BCAS3: variants seen among roughly 807,000 people sequenced by gnomAD.
BCAS3 encodes the protein BCAS4/BCAS3 fusion.
Under a neutral mutation model 116.1 loss-of-function variants are expected in BCAS3, and 53 were observed. The observed-to-expected ratio is 0.46, with a 90% CI of 0.37 to 0.57. BCAS3 has a LOEUF of 0.57. BCAS3 is among the 20% of genes least tolerant of loss of function. The pLI is 0.00. For synonymous variants in BCAS3, 391 were observed against 408.2 expected, an observed-to-expected ratio of 0.96 and a Z score of 0.51; for missense variants, 917 against 1,165.4, an observed-to-expected ratio of 0.79 and a Z score of 3.10.
chr17:60,697,918 G>A (rs1199451254), intron 4 of BCAS3, among the ~76,000 whole-genome samples: 1 of 152,156 alleles, frequency 6.6e-6, no homozygotes, highest in Non-Finnish European at 1.5e-5. Flanking sequence ...GATGGCTCAC[G>A]CCTGTAATCC....
At chr17:60,734,237 C>T (rs2040747495) in intron 5 of BCAS3, among the ~76,000 whole-genome samples, 1 of 152,206 alleles carries the variant, frequency 6.6e-6, no homozygotes, top group South Asian at 2.1e-4. Context: ...TCAAGTGATC[C>T]TCCTGCTTCA....
At position 60,768,452 on chromosome 17, in the gene BCAS3, C is replaced by A. The variant is rs144006735; in HGVS notation, c.403+21173C>A. On this transcript the variant is annotated intron_variant, in intron 6 of 23. Transcript: ENST00000407086. ...CTAACCTCCCAGCCTACATCATTTTCCCATGCTGGATGCTTCCTGCTGTCG... is the reference window on the plus strand; with the variant it reads ...CTAACCTCCCAGCCTACATCATTTTACCATGCTGGATGCTTCCTGCTGTCG... Among the ~76,000 whole-genome samples the A allele has an allele frequency of 2.7e-3, 408 of 152,264 alleles. 3 individuals carry two copies. Among genetic ancestry groups the A allele is most frequent in the African/African-American group, 9.3e-3 (387 of 41,546 alleles).
Position 61,011,844 on chromosome 17 carries a change from C to T in BCAS3, c.1487-3907C>T, listed in dbSNP as rs943638308. On this transcript the variant is annotated intron_variant, in intron 15 of 23. Transcript: ENST00000407086. ...CTGGAAGAAAGGATTGTTAGGCTGTCTTGTGTAGTTATTGCATTTATTTAT... is the reference window on the plus strand; with the variant it reads ...CTGGAAGAAAGGATTGTTAGGCTGTTTTGTGTAGTTATTGCATTTATTTAT... Among the ~76,000 whole-genome samples the T allele has an allele frequency of 3.3e-5, 5 of 151,966 alleles. No individual in the cohort carries two copies. The South Asian group carries it at 1.0e-3, about 31-fold the overall frequency.
chr17:60,757,420 G>GTGTC (rs1284338623), intron 6 of BCAS3, among the ~76,000 whole-genome samples: 1 of 151,620 alleles, frequency 6.6e-6, no homozygotes, highest in East Asian at 1.9e-4. Flanking sequence ...GTGTGTGTGT[G>GTGTC]TGTGTGTGTG....
chr17:60,713,588 T>G (rs1023932558), intron 5 of BCAS3, among the ~76,000 whole-genome samples: 2 of 152,228 alleles, frequency 1.3e-5, no homozygotes, highest in Non-Finnish European at 2.9e-5. Context: ...AGAGTTTTCT[T>G]TCTTGTCATT....
At position 61,105,168 on chromosome 17, in the gene BCAS3, A is replaced by G. The variant is rs1020693589; in HGVS notation, c.2425+20604A>G. Among the ~76,000 whole-genome samples the G allele has an allele frequency of 6.6e-6, 1 of 152,056 alleles. No individual in the cohort carries two copies. Among genetic ancestry groups the G allele is most frequent in the African/African-American group, 2.4e-5 (1 of 41,382 alleles). ...TCTCTACTTACATTTATTGAAAACTACCCTGCCGCAGGGCACAGCACATTG... is the reference window on the plus strand; with the variant it reads ...TCTCTACTTACATTTATTGAAAACTGCCCTGCCGCAGGGCACAGCACATTG... On this transcript the variant is annotated intron_variant, in intron 22 of 23. Transcript: ENST00000407086. This position sits in a 1 kb window ranked among gnomAD's most constrained non-coding sequence, Gnocchi z 4.3.
intron 6 of BCAS3, among the ~76,000 whole-genome samples, chr17:60,752,155 GGT>G (rs55713453): frequency 0.019 from 2,752 of 144,658 alleles, 52 homozygotes; most frequent in African/African-American, 0.051. Flanking sequence ...TTGGCTGAAG[GGT>G]GTGTGTGTGT....
At chr17:61,099,495 T>A (rs576550778) in intron 22 of BCAS3, among the ~76,000 whole-genome samples, 1 of 152,348 alleles carries the variant, frequency 6.6e-6, no homozygotes, top group Admixed American at 6.5e-5. Flanking sequence ...AGGTTTGCCC[T>A]TATGTTATGA....
intron 22 of BCAS3, among the ~76,000 whole-genome samples, chr17:61,240,866 G>A (rs182925537): frequency 9.2e-5 from 14 of 152,214 alleles, no homozygotes; most frequent in Admixed American, 8.5e-4. Context: ...CTTTCTTCCC[G>A]AAAAGAAGCA....
chr17:61,219,563 A>T lies in BCAS3; in HGVS notation c.2425+134999A>T, dbSNP rs1266382349. On this transcript the variant is annotated intron_variant, in intron 22 of 23. Transcript: ENST00000407086. The surrounding 1 kb of genome is among the most constrained non-coding windows in gnomAD (Gnocchi z 5.2). ...AGTACCACTGAATTGCTTGAGGCAG[A>T]TAGCATCTCAGCGATCACTGTGCTA... Among the ~76,000 whole-genome samples, 1 of 152,222 alleles carries T rather than the reference A, an allele frequency of 6.6e-6. No individual in the cohort carries two copies. The highest frequency in any genetic ancestry group is 1.5e-5 in the Non-Finnish European group (1 of 68,042).
At position 61,316,758 on chromosome 17, in the gene BCAS3, A is replaced by T. The variant is rs1458906466; in HGVS notation, c.2426-51569A>T. Among the ~76,000 whole-genome samples, 1 of 152,228 alleles carries T rather than the reference A, an allele frequency of 6.6e-6. No homozygotes were observed. Among genetic ancestry groups the T allele is most frequent in the Non-Finnish European group, 1.5e-5 (1 of 68,042 alleles). ...TGTGGCTCCTTCCTTTTTTAGTCAAACATCTGCTCAACTGTATGTGCTGTG... is the reference window on the plus strand; with the variant it reads ...TGTGGCTCCTTCCTTTTTTAGTCAATCATCTGCTCAACTGTATGTGCTGTG... On this transcript the variant is annotated intron_variant, in intron 22 of 23. Coordinates refer to ENST00000407086, the MANE Select transcript of BCAS3 (RefSeq NM_017679.5). The surrounding 1 kb of genome is among the most constrained non-coding windows in gnomAD (Gnocchi z 5.8).
intron 13 of BCAS3, among the ~76,000 whole-genome samples, chr17:60,944,972 C>T (rs892882365): frequency 4.6e-5 from 7 of 151,888 alleles, no homozygotes; most frequent in Admixed American, 1.3e-4. Flanking sequence ...TGCAGTAAGT[C>T]GAGAAAATTG....
At position 61,097,773 on chromosome 17, in the gene BCAS3, A is replaced by T. The variant is rs111706347; in HGVS notation, c.2425+13209A>T. ...GGTCCATTTTAGCAATAGTCAAAGA[A>T]CAGGACTTAGGACACCTAGCTCCTG... On this transcript the variant is annotated intron_variant, in intron 22 of 23. Coordinates refer to ENST00000407086, the MANE Select transcript of BCAS3 (RefSeq NM_017679.5). The surrounding 1 kb of genome is among the most constrained non-coding windows in gnomAD (Gnocchi z 4.0). Among the ~76,000 whole-genome samples, 224 of 152,322 alleles carry T rather than the reference A, an allele frequency of 1.5e-3. 1 individual carries two copies. Among genetic ancestry groups the T allele is most frequent in the African/African-American group, 4.6e-3 (193 of 41,582 alleles).
In BCAS3 at chr17:60,774,959, T is replaced by A. The variant is rs547766277; in HGVS notation, c.403+27680T>A. ...TGGCAGGAGGGTAAATCTGATCTGC[T>A]GCAGAGGTTCAGCATTTTGCCTTAG... On this transcript the variant is annotated intron_variant, in intron 6 of 23. Transcript: ENST00000407086. Among the ~76,000 whole-genome samples, 5 of 152,364 alleles carry A rather than the reference T, an allele frequency of 3.3e-5. No homozygotes were observed. The South Asian group carries it at 8.3e-4, about 25-fold the overall frequency.
In BCAS3 at chr17:61,337,112, C is replaced by CAA. The variant is rs71150606; in HGVS notation, c.2426-31207_2426-31206dup. The stretch of plus-strand genomic sequence containing the variant: ...TGGGTGACAGAGCAAGACTCCATCT[C>CAA]AAAAAAAAACAACAACAAACTTTAT... On this transcript the variant is annotated intron_variant, in intron 22 of 23. Transcript: ENST00000407086. This position sits in a 1 kb window ranked among gnomAD's most constrained non-coding sequence, Gnocchi z 4.8. Among the ~76,000 whole-genome samples, 15,608 of 149,938 alleles carry CAA rather than the reference C, an allele frequency of 0.1. 940 individuals carry two copies. The highest frequency in any genetic ancestry group is 0.19 in the East Asian group (980 of 5,086).
At chr17:60,798,653 G>A (rs1451931417) in intron 6 of BCAS3, among the ~76,000 whole-genome samples, 3 of 152,224 alleles carry the variant, frequency 2.0e-5, no homozygotes, top group Non-Finnish European at 4.4e-5. Flanking sequence ...AACATTGTGT[G>A]CAGGTTTTTG....
At chr17:60,982,455 A>C (rs971610263) in intron 14 of BCAS3, among the ~76,000 whole-genome samples, 1 of 152,206 alleles carries the variant, frequency 6.6e-6, no homozygotes, top group Non-Finnish European at 1.5e-5. Flanking sequence ...CTACAAGTGC[A>C]TCATTGCGCC....
rs977705000 is a variant in BCAS3 at position 61,029,327 on chromosome 17, C to T, written c.1638-5339C>T. Among the ~76,000 whole-genome samples, 7 of 152,062 alleles carry T rather than the reference C, an allele frequency of 4.6e-5. No individual in the cohort carries two copies. In the South Asian group the frequency reaches 1.0e-3, roughly 22 times the overall value. ...CAGATGAGTCGTTATAAAATACAGT[C>T]GTTCCCTTTGGTAACAAAATAAGCT... On this transcript the variant is annotated intron_variant, in intron 16 of 23. Transcript: ENST00000407086. This position sits in a 1 kb window ranked among gnomAD's most constrained non-coding sequence, Gnocchi z 5.2.
intron 22 of BCAS3, among the ~76,000 whole-genome samples, chr17:61,176,160 AAG>A (rs1286766116): frequency 5.4e-5 from 8 of 148,700 alleles, no homozygotes; most frequent in African/African-American, 1.5e-4. Context: ...AAAAAAAAAA[AAG>A]AAAAAGAAAA....
Sources: allele counts gnomAD v4.1 joint callset (sites outside exome capture counted in the v4.1 genomes callset), GRCh38; gene constraint gnomAD v4.1.1; non-coding constraint Gnocchi (gnomAD v3.1); transcripts MANE v1.5; gene names NCBI Gene and HGNC (gene_info 2026-07-23, HGNC 2026-07-21).